The following RAB38 variants were observed in gnomAD, a reference collection of about 807,000 sequenced individuals.
RAB38 encodes ras-related protein Rab-38.
In RAB38, 15 loss-of-function variants were observed where a neutral mutation model predicts 18.4. That is an observed-to-expected ratio of 0.82 (90% CI 0.55 to 1.26). The LOEUF is 1.26. Ranked by LOEUF, RAB38 falls within the 50% of genes most tolerant of loss-of-function variation. RAB38 has a pLI of 0.00. For synonymous variants in RAB38, 101 were observed against 104.4 expected, an observed-to-expected ratio of 0.97 and a Z score of 0.20; for missense variants, 294 against 267.4, an observed-to-expected ratio of 1.10 and a Z score of -0.69.
chr11:87,921,014 T>C, the RAB38 span, among the ~76,000 whole-genome samples: 4 of 152,030 alleles, frequency 2.6e-5, no homozygotes, highest in Non-Finnish European at 2.9e-5. Context: ...AAGGGCCTTC[T>C]TGATGCATCA....
rs189553600 is a variant in RAB38 at position 88,117,644 on chromosome 11, G to A, written c.484-3504C>T. Among the ~76,000 whole-genome samples the A allele has an allele frequency of 4.5e-4, 68 of 152,292 alleles. 1 individual carries two copies. The highest frequency in any genetic ancestry group is 2.0e-3 in the Admixed American group (30 of 15,292). On this transcript the variant is annotated intron_variant, in intron 2 of 2. Transcript: ENST00000243662. ...CCACAGGCACGCTACAAAAAGGCAA[G>A]GGGTATAGTCTTTAGAGTACAGGCC...
chr11:88,124,601 C>T (rs1942670593), intron 2 of RAB38, among the ~76,000 whole-genome samples: 1 of 152,162 alleles, frequency 6.6e-6, no homozygotes, highest in Admixed American at 6.5e-5. Context: ...CCTGTCGACC[C>T]AACCCTCACA....
intron 1 of RAB38, among the ~76,000 whole-genome samples, chr11:88,168,818 T>C (rs941245948): frequency 6.6e-6 from 1 of 152,172 alleles, no homozygotes. Flanking sequence ...AGGACTCCAG[T>C]CACTTCTTAA....
At chr11:88,062,858 C>T in the RAB38 span, among the ~76,000 whole-genome samples, 2 of 152,178 alleles carry the variant, frequency 1.3e-5, no homozygotes, top group Non-Finnish European at 2.9e-5. Context: ...TATATAGTCA[C>T]AGAGATTTGT....
chr11:88,103,492 G>T, the RAB38 span, among the ~76,000 whole-genome samples: 2 of 152,006 alleles, frequency 1.3e-5, no homozygotes, highest in African/African-American at 4.8e-5. Context: ...AGGGCTCCAA[G>T]GTAGTGGAGC....
the RAB38 span, among the ~76,000 whole-genome samples, chr11:87,862,443 G>A: frequency 6.6e-6 from 1 of 151,918 alleles, no homozygotes; most frequent in Non-Finnish European, 1.5e-5. Flanking sequence ...TCACTTACAA[G>A]TGGAAGCTAA....
At position 88,122,586 on chromosome 11, in the gene RAB38, T is replaced by C. The variant is rs910584715; in HGVS notation, c.484-8446A>G. Among the ~76,000 whole-genome samples, 4 of 152,364 alleles carry C rather than the reference T, an allele frequency of 2.6e-5. No homozygotes were observed. In the East Asian group the frequency reaches 7.7e-4, roughly 29 times the overall value. On this transcript the variant is annotated intron_variant, in intron 2 of 2. Transcript: ENST00000243662. Reference sequence around the variant, plus strand: ...CACTTAGGCACCATGCCATGTATGTTACATACATAATCTCATTTAACCCTT... The same window carrying C: ...CACTTAGGCACCATGCCATGTATGTCACATACATAATCTCATTTAACCCTT...
chr11:87,941,787 G>A, the RAB38 span, among the ~76,000 whole-genome samples: 1 of 152,140 alleles, frequency 6.6e-6, no homozygotes, highest in African/African-American at 2.4e-5. Context: ...ATTACAGGTT[G>A]GGTGATGTCA....
At chr11:87,941,184 T>A in the RAB38 span, among the ~76,000 whole-genome samples, 1 of 130,118 alleles carries the variant, frequency 7.7e-6, no homozygotes, top group Non-Finnish European at 1.6e-5. Context: ...ATTTTATATA[T>A]ATAGGATATA....
the RAB38 span, among the ~76,000 whole-genome samples, chr11:88,014,232 G>C: frequency 6.6e-6 from 1 of 152,016 alleles, no homozygotes; most frequent in Non-Finnish European, 1.5e-5. Context: ...TGCATGTTAC[G>C]GATGAGGAAA....
At chr11:88,035,566 G>C in the RAB38 span, among the ~76,000 whole-genome samples, 3 of 152,148 alleles carry the variant, frequency 2.0e-5, no homozygotes, top group African/African-American at 4.8e-5. Context: ...GACAAACTTG[G>C]AGTCCAATAT....
chr11:87,961,872 CAAG>C, the RAB38 span, among the ~76,000 whole-genome samples: 1 of 151,886 alleles, frequency 6.6e-6, no homozygotes, highest in African/African-American at 2.4e-5. Flanking sequence ...GATTTTTTTC[CAAG>C]AAGACTTGAG....
chr11:88,072,415 G>GAAT, the RAB38 span, among the ~76,000 whole-genome samples: 1 of 152,112 alleles, frequency 6.6e-6, no homozygotes. Flanking sequence ...AACGAAAGGA[G>GAAT]AATAAAGCAT....
At chr11:87,803,796 C>A in the RAB38 span, among the ~76,000 whole-genome samples, 1 of 152,156 alleles carries the variant, frequency 6.6e-6, no homozygotes, top group African/African-American at 2.4e-5. Context: ...ACACTGACAT[C>A]GTGAAAAGGA....
chr11:88,168,637 T>C (rs1943271920), intron 1 of RAB38, among the ~76,000 whole-genome samples: 1 of 150,770 alleles, frequency 6.6e-6, no homozygotes, highest in Non-Finnish European at 1.5e-5. Context: ...CAAGATCTTA[T>C]ACTTCTCAAA....
chr11:88,090,756 C>A, the RAB38 span, among the ~76,000 whole-genome samples: 28 of 151,872 alleles, frequency 1.8e-4, no homozygotes, highest in Non-Finnish European at 3.8e-4. Flanking sequence ...CCAAAAATAA[C>A]AAATGCCAAA....
the RAB38 span, among the ~76,000 whole-genome samples, chr11:87,860,976 TA>T: frequency 6.6e-6 from 1 of 151,852 alleles, no homozygotes; most frequent in African/African-American, 2.4e-5. Flanking sequence ...AAATTAAAGC[TA>T]GAACAAAAAT....
At chr11:87,907,025 C>A in the RAB38 span, among the ~76,000 whole-genome samples, 1 of 151,796 alleles carries the variant, frequency 6.6e-6, no homozygotes, top group Non-Finnish European at 1.5e-5. Flanking sequence ...CTGTAAGAAT[C>A]ATCTTTGTAC....
chr11:87,863,344 T>C, the RAB38 span, among the ~76,000 whole-genome samples: 1 of 151,806 alleles, frequency 6.6e-6, no homozygotes, highest in Non-Finnish European at 1.5e-5. Context: ...ACCCCAAAAG[T>C]ACCCAACTTA....
Sources: allele counts gnomAD v4.1 joint callset (sites outside exome capture counted in the v4.1 genomes callset), GRCh38; gene constraint gnomAD v4.1.1; transcripts MANE v1.5; gene names NCBI Gene and HGNC (gene_info 2026-07-23, HGNC 2026-07-21).